DISC1: variants seen among roughly 807,000 people sequenced by gnomAD.
The protein encoded by DISC1 is DISC1 scaffold protein.
DISC1 carries 57 observed loss-of-function variants against 84.5 expected under a neutral mutation model. The ratio of observed to expected loss-of-function variants is 0.67; its 90% CI spans 0.55 to 0.84. The LOEUF is 0.84. DISC1 is among the 40% of genes least tolerant of loss of function. The pLI, the probability that DISC1 is intolerant of heterozygous loss-of-function variation, is 0.00. For synonymous variants in DISC1, 411 were observed against 415.2 expected (o/e 0.99, Z 0.12); for missense variants, 1,000 against 1,057.8 (o/e 0.95, Z 0.76).
chr1:231,700,260 C>A (rs2066248039), intron 2 of DISC1, among the ~76,000 whole-genome samples: 1 of 152,168 alleles, frequency 6.6e-6, no homozygotes, highest in African/African-American at 2.4e-5. Flanking sequence ...CCTCTGCCAC[C>A]TCTGAGACAG....
chr1:231,858,953 C>G (rs939308230), intron 9 of DISC1, among the ~76,000 whole-genome samples: 22 of 152,176 alleles, frequency 1.4e-4, no homozygotes, highest in Non-Finnish European at 2.9e-5. Flanking sequence ...AATCCAGAAG[C>G]TAATTTCTAT....
intron 4 of DISC1, among the ~76,000 whole-genome samples, chr1:231,766,288 T>TAAAAAAAAAAAA (rs61578768): frequency 9.4e-6 from 1 of 106,128 alleles, no homozygotes; most frequent in Non-Finnish European, 1.8e-5. Flanking sequence ...AGACATTATC[T>TAAAAAAAAAAAA]AAAAAAAAAA....
At chr1:231,958,471 C>G (rs1453124930) in intron 9 of DISC1, among the ~76,000 whole-genome samples, 2 of 152,222 alleles carry the variant, frequency 1.3e-5, no homozygotes, top group East Asian at 3.8e-4. Context: ...GGTTCTCTTT[C>G]CCTGTATTGG....
chr1:231,846,755 A>G (rs2083475072), intron 9 of DISC1, among the ~76,000 whole-genome samples: 1 of 152,242 alleles, frequency 6.6e-6, no homozygotes, highest in Non-Finnish European at 1.5e-5. Context: ...TTGTTGTTTT[A>G]TGTTTCTTAG....
chr1:231,695,580 T>C (rs1300036049), intron 2 of DISC1, among the ~76,000 whole-genome samples: 1 of 151,686 alleles, frequency 6.6e-6, no homozygotes, highest in East Asian at 1.9e-4. Flanking sequence ...TGTGTGCATA[T>C]GTGTTTGTGT....
At chr1:231,876,331 G>A (rs533696605) in intron 9 of DISC1, among the ~76,000 whole-genome samples, 1 of 152,128 alleles carries the variant, frequency 6.6e-6, no homozygotes, top group South Asian at 2.1e-4. Context: ...TTTGCCTTCT[G>A]CCATGAATGT....
chr1:231,943,363 G>A (rs1434515613), intron 9 of DISC1, among the ~76,000 whole-genome samples: 7 of 152,228 alleles, frequency 4.6e-5, no homozygotes, highest in African/African-American at 7.2e-5. Context: ...AGAGTATTGC[G>A]GTTTCTGTGA....
At chr1:232,010,649 C>T (rs1208945792) in intron 11 of DISC1, among the ~76,000 whole-genome samples, 2 of 152,152 alleles carry the variant, frequency 1.3e-5, no homozygotes, top group Non-Finnish European at 2.9e-5. Context: ...ATAAAATTTA[C>T]ATGACACAGG....
At chr1:231,860,238 A>G (rs2084549836) in intron 9 of DISC1, among the ~76,000 whole-genome samples, 1 of 152,214 alleles carries the variant, frequency 6.6e-6, no homozygotes, top group African/African-American at 2.4e-5. Flanking sequence ...TTTATGAAAA[A>G]CTGACAATAT....
intron 1 of DISC1, among the ~76,000 whole-genome samples, chr1:231,633,068 CA>C (rs1459354450): frequency 6.6e-5 from 10 of 151,930 alleles, no homozygotes; most frequent in Admixed American, 2.6e-4. Context: ...GAGACTCCGT[CA>C]AAAAAACAAA....
At chr1:231,995,482 C>G (rs1056167984) in intron 10 of DISC1, among the ~76,000 whole-genome samples, 8 of 151,816 alleles carry the variant, frequency 5.3e-5, no homozygotes, top group Admixed American at 4.6e-4. Context: ...TAATGCTATC[C>G]CTCCCCCCTA....
intron 1 of DISC1, among the ~76,000 whole-genome samples, chr1:231,665,631 T>C (rs2061957460): frequency 6.6e-6 from 1 of 152,262 alleles, no homozygotes; most frequent in African/African-American, 2.4e-5. Flanking sequence ...ATTGTAAGAA[T>C]ATAATACATA....
At chr1:231,640,639 C>G (rs1466233356) in intron 1 of DISC1, among the ~76,000 whole-genome samples, 1 of 152,008 alleles carries the variant, frequency 6.6e-6, no homozygotes, top group African/African-American at 2.4e-5. Context: ...AATGATCCTC[C>G]CATCTCTGCT....
At chr1:231,925,076 G>A (rs11577637) in intron 9 of DISC1, among the ~76,000 whole-genome samples, 1 of 151,714 alleles carries the variant, frequency 6.6e-6, no homozygotes, top group Non-Finnish European at 1.5e-5. Flanking sequence ...TCTGCACTTA[G>A]AGGTTCGTGT....
intron 1 of DISC1, among the ~76,000 whole-genome samples, chr1:231,653,452 C>T (rs2060805175): frequency 6.6e-6 from 1 of 152,112 alleles, no homozygotes; most frequent in African/African-American, 2.4e-5. Flanking sequence ...AAGAAGATGT[C>T]ACAGGAGGTT....
At position 231,713,703 on chromosome 1, in the gene DISC1, GATATATAT is replaced by G. The variant is rs141599033; in HGVS notation, c.1117+11693_1117+11700del. ...CAGATATATATATATATATATAGGA[GATATATAT>G]ATATATATATATAGGAGATATATAC... On this transcript the variant is annotated intron_variant, in intron 3 of 12. Transcript: ENST00000439617. 4.2e-4 allele frequency among the ~76,000 whole-genome samples: 55 copies of G among 129,478 alleles called. 1 individual carries two copies. Among genetic ancestry groups the G allele is most frequent in the Middle Eastern group, 8.5e-3 (2 of 236 alleles). 84.9% of individuals were successfully genotyped at this position (129,478 alleles called of 152,430 possible).
At chr1:231,812,035 C>A (rs2080351068) in intron 8 of DISC1, among the ~76,000 whole-genome samples, 1 of 152,058 alleles carries the variant, frequency 6.6e-6, no homozygotes. Flanking sequence ...CAAAATGCCC[C>A]AGGTGCTATG....
At chr1:231,811,408 C>G (rs1447968272) in intron 8 of DISC1, among the ~76,000 whole-genome samples, 2 of 152,244 alleles carry the variant, frequency 1.3e-5, no homozygotes, top group African/African-American at 4.8e-5. Flanking sequence ...AGATCTTGAT[C>G]TTGCTTAACT....
chr1:231,648,077 C>T (rs2060286461), intron 1 of DISC1, among the ~76,000 whole-genome samples: 1 of 152,238 alleles, frequency 6.6e-6, no homozygotes. Context: ...ATGGCCCTGG[C>T]CAGAACTTCC....
Sources: gnomAD v4.1 joint callset for allele counts (sites outside exome capture counted in the v4.1 genomes callset) on GRCh38, gnomAD v4.1.1 for gene constraint, MANE v1.5 for transcripts, NCBI Gene and HGNC (gene_info 2026-07-23, HGNC 2026-07-21) for gene names.